The following GPR158 variants were observed in gnomAD, a reference collection of about 807,000 sequenced individuals.
GPR158 encodes the protein G protein-coupled receptor 158.
A neutral mutation model predicts 78.2 loss-of-function variants in GPR158; 30 were observed. That is an observed-to-expected ratio of 0.38 (90% confidence interval 0.29 to 0.52). The LOEUF (loss-of-function observed/expected upper bound fraction) is 0.52. Ranked by LOEUF, GPR158 falls within the 20% of genes least tolerant of loss-of-function variation. The pLI is 0.83. For missense variants in GPR158, 1,463 were observed against 1,523.5 expected (o/e 0.96, Z 0.66); for synonymous variants, 581 against 591.1 (o/e 0.98, Z 0.25).
At chr10:25,300,400 A>G (rs1854575606) in intron 2 of GPR158, among the ~76,000 whole-genome samples, 1 of 152,136 alleles carries the variant, frequency 6.6e-6, no homozygotes, top group African/African-American at 2.4e-5. Flanking sequence ...TTGTGATTAT[A>G]TTGTGCCCAC....
rs1463736544 is a variant in GPR158 at position 25,313,254 on chromosome 10, G to A, written c.1009-82657G>A. Reference sequence around the variant, plus strand: ...AAAGCACTGGGGACTGTTGTGGGGTGGGGGGAGGGGGGAGGGATAACATTA... The same window carrying A: ...AAAGCACTGGGGACTGTTGTGGGGTAGGGGGAGGGGGGAGGGATAACATTA... On this transcript the variant is annotated intron_variant, in intron 2 of 10. Coordinates refer to ENST00000376351, the MANE Select transcript of GPR158 (RefSeq NM_020752.3). Among the ~76,000 whole-genome samples the A allele has an allele frequency of 2.3e-4, 27 of 118,520 alleles. No homozygotes were observed. In the Admixed American group the frequency reaches 2.8e-3, roughly 12 times the overall value. The allele number at this position is 118,520 out of a possible 152,430, so 77.8% of individuals were successfully genotyped here.
chr10:25,517,271 G>T (rs1480019318), intron 5 of GPR158, among the ~76,000 whole-genome samples: 1 of 151,002 alleles, frequency 6.6e-6, no homozygotes, highest in Admixed American at 6.6e-5. Context: ...GAGATTTTGG[G>T]CTGAGACAAT....
chr10:25,510,418 T>A (rs892034913), intron 5 of GPR158, among the ~76,000 whole-genome samples: 7 of 152,244 alleles, frequency 4.6e-5, no homozygotes, highest in Admixed American at 1.3e-4. Flanking sequence ...TTAGTTTTAC[T>A]TATTTTAGCA....
At chr10:25,481,557 T>C (rs1486861609) in intron 5 of GPR158, among the ~76,000 whole-genome samples, 1 of 152,190 alleles carries the variant, frequency 6.6e-6, no homozygotes, top group Non-Finnish European at 1.5e-5. Context: ...CATCAAATTA[T>C]AGGAATTTAC....
intron 2 of GPR158, among the ~76,000 whole-genome samples, chr10:25,276,070 A>G (rs1854179358): frequency 6.6e-6 from 1 of 152,172 alleles, no homozygotes; most frequent in African/African-American, 2.4e-5. Flanking sequence ...TGAAAAACAC[A>G]TTTCTTATTG....
intron 4 of GPR158, among the ~76,000 whole-genome samples, chr10:25,428,486 T>G (rs577229649): frequency 5.9e-5 from 9 of 152,158 alleles, no homozygotes; most frequent in African/African-American, 2.2e-4. Context: ...AGAGAACTCT[T>G]CTAAGGGGTC....
intron 4 of GPR158, among the ~76,000 whole-genome samples, chr10:25,439,444 G>C (rs1350073674): frequency 1.3e-5 from 2 of 152,124 alleles, no homozygotes; most frequent in African/African-American, 4.8e-5. Flanking sequence ...AGATTTGGGA[G>C]AGGACACAGA....
chr10:25,216,465 T>A (rs1466383099), intron 1 of GPR158, among the ~76,000 whole-genome samples: 1 of 152,048 alleles, frequency 6.6e-6, no homozygotes, highest in Non-Finnish European at 1.5e-5. Flanking sequence ...TGCTTGGGTA[T>A]TTTTTGGGGG....
intron 2 of GPR158, among the ~76,000 whole-genome samples, chr10:25,287,480 T>G (rs1854368847): frequency 6.6e-6 from 1 of 152,134 alleles, no homozygotes. Flanking sequence ...TTTGTTTGTA[T>G]TGGTGAGCAG....
chr10:25,469,001 T>A (rs1477134170), intron 5 of GPR158, among the ~76,000 whole-genome samples: 2 of 152,126 alleles, frequency 1.3e-5, no homozygotes, highest in Non-Finnish European at 2.9e-5. Context: ...ACCTGAAAGG[T>A]GAGTAGGTGT....
chr10:25,231,942 C>G (rs1588747556), intron 2 of GPR158, among the ~76,000 whole-genome samples: 2 of 152,118 alleles, frequency 1.3e-5, no homozygotes, highest in African/African-American at 2.4e-5. Context: ...GGTGGGTGAT[C>G]TGCAGCATAT....
intron 2 of GPR158, among the ~76,000 whole-genome samples, chr10:25,334,686 T>C (rs775509480): frequency 6.6e-6 from 1 of 152,076 alleles, no homozygotes; most frequent in Non-Finnish European, 1.5e-5. Flanking sequence ...TTAATGTCTA[T>C]GTGACCCAGT....
intron 2 of GPR158, among the ~76,000 whole-genome samples, chr10:25,283,805 TTTTTA>T (rs1170675460): frequency 2.0e-5 from 3 of 152,062 alleles, no homozygotes; most frequent in Non-Finnish European, 2.9e-5. Flanking sequence ...ATATATTGTA[TTTTTA>T]TTTTAATTTA....
chr10:25,574,927 G>A (rs918248401), intron 7 of GPR158, among the ~76,000 whole-genome samples: 2 of 151,812 alleles, frequency 1.3e-5, no homozygotes, highest in African/African-American at 4.8e-5. Flanking sequence ...ATGGGCCAGG[G>A]GCAGTGGCTC....
At chr10:25,274,746 A>G (rs534395846) in intron 2 of GPR158, among the ~76,000 whole-genome samples, 7 of 152,246 alleles carry the variant, frequency 4.6e-5, no homozygotes, top group Non-Finnish European at 1.0e-4. Flanking sequence ...ATTATGAAGT[A>G]TTAATTCTAA....
chr10:25,391,263 A>C (rs532657655), intron 2 of GPR158, among the ~76,000 whole-genome samples: 85 of 152,276 alleles, frequency 5.6e-4, no homozygotes, highest in African/African-American at 1.9e-3. Flanking sequence ...GGCACTGCCT[A>C]GTGGAGCTGT....
intron 2 of GPR158, among the ~76,000 whole-genome samples, chr10:25,307,362 C>T (rs889983023): frequency 5.7e-5 from 8 of 140,712 alleles, no homozygotes; most frequent in African/African-American, 7.9e-5. Flanking sequence ...GCCATACTCT[C>T]GTGTATTTTA....
intron 2 of GPR158, among the ~76,000 whole-genome samples, chr10:25,287,293 A>G (rs541032415): frequency 6.6e-6 from 1 of 151,886 alleles, no homozygotes; most frequent in South Asian, 2.1e-4. Flanking sequence ...CTAAGGGTGC[A>G]CATCTTTCTT....
intron 2 of GPR158, among the ~76,000 whole-genome samples, chr10:25,281,887 A>G (rs573445562): frequency 3.2e-4 from 49 of 152,248 alleles, no homozygotes; most frequent in Non-Finnish European, 5.6e-4. Context: ...GTGAAGATCC[A>G]TTACAAGGAT....
Sources: allele counts gnomAD v4.1 joint callset (sites outside exome capture counted in the v4.1 genomes callset), GRCh38; gene constraint gnomAD v4.1.1; transcripts MANE v1.5; gene names NCBI Gene and HGNC (gene_info 2026-07-23, HGNC 2026-07-21).